The following CLEC16A variants were observed in gnomAD, a reference collection of about 807,000 sequenced individuals.
CLEC16A encodes protein CLEC16A.
A neutral mutation model predicts 109.5 loss-of-function variants in CLEC16A; 51 were observed. That is an observed-to-expected ratio of 0.47 (90% CI 0.37 to 0.59). The LOEUF is 0.59. CLEC16A is among the 20% of genes least tolerant of loss of function. The probability of loss-of-function intolerance (pLI) is 0.00; values close to 1 mark genes in which losing one functional copy is unlikely to be tolerated. For synonymous variants in CLEC16A, 673 were observed against 564.2 expected (o/e 1.19, Z -2.73); for missense variants, 1,339 against 1,394.0 (o/e 0.96, Z 0.63).
intron 19 of CLEC16A, chr16:11,070,856 C>T (rs1254148531): frequency 6.6e-6 from 1 of 152,302 alleles, no homozygotes; most frequent in Non-Finnish European, 1.5e-5. Flanking sequence ...CACTGGAGGG[C>T]ACCACGAGGC....
intron 19 of CLEC16A, among the ~76,000 whole-genome samples, chr16:11,087,024 C>A (rs961585862): frequency 2.0e-5 from 3 of 152,194 alleles, no homozygotes; most frequent in African/African-American, 7.2e-5. Context: ...AATGTACTCA[C>A]AATTTATCCC....
intron 22 of CLEC16A, among the ~76,000 whole-genome samples, chr16:11,166,031 A>G (rs940965539): frequency 6.6e-6 from 1 of 152,246 alleles, no homozygotes. Flanking sequence ...CTCTACCATG[A>G]GGGCATCTAG....
At chr16:11,164,080 CCCGA>C (rs1254922771) in intron 22 of CLEC16A, among the ~76,000 whole-genome samples, 1 of 152,084 alleles carries the variant, frequency 6.6e-6, no homozygotes, top group Non-Finnish European at 1.5e-5. Context: ...TGAGCGGGCC[CCCGA>C]CACACACACA....
At chr16:11,162,054 C>T (rs549615473) in intron 22 of CLEC16A, among the ~76,000 whole-genome samples, 29 of 152,328 alleles carry the variant, frequency 1.9e-4, no homozygotes, top group Non-Finnish European at 3.4e-4. Context: ...ACTCCAAGCC[C>T]AGCTTTCCTT....
Position 11,044,016 on chromosome 16 carries a change from CTCTTT to C in CLEC16A, c.1771-10_1771-6del. The C allele has an allele frequency of 6.3e-7, 1 of 1,596,172 alleles. No homozygotes were observed. Among genetic ancestry groups the C allele is most frequent in the Non-Finnish European group, 8.5e-7 (1 of 1,170,286 alleles). On this transcript the variant is annotated splice_polypyrimidine_tract_variant and splice_region_variant and intron_variant, in intron 15 of 23. Coordinates refer to ENST00000409790, the MANE Select transcript of CLEC16A (RefSeq NM_015226.3). ...GACCTGCCTCCTTCACACCTTCCTT[CTCTTT>C]TAACAGGGTGCGAGAGAAGAAAGTG... is the stretch of plus-strand genomic sequence containing the variant.
intron 10 of CLEC16A, among the ~76,000 whole-genome samples, chr16:11,000,337 G>A (rs1014138983): frequency 5.9e-5 from 9 of 152,194 alleles, no homozygotes; most frequent in Non-Finnish European, 1.0e-4. Context: ...AGTCCACACA[G>A]AGCTTAGGGA....
intron 1 of CLEC16A, among the ~76,000 whole-genome samples, chr16:10,950,336 T>A (rs2145727715): frequency 6.6e-6 from 1 of 152,328 alleles, no homozygotes; most frequent in East Asian, 1.9e-4. Context: ...CAACAAATAT[T>A]TGTCACAGGA....
intron 1 of CLEC16A, among the ~76,000 whole-genome samples, chr16:10,957,570 G>A (rs776935832): frequency 7.9e-5 from 12 of 152,312 alleles, no homozygotes; most frequent in African/African-American, 2.4e-4. Context: ...TCTTGTCTCC[G>A]TCTGGGTTGG....
intron 1 of CLEC16A, among the ~76,000 whole-genome samples, chr16:10,955,129 A>G (rs1259889575): frequency 6.6e-6 from 1 of 152,222 alleles, no homozygotes; most frequent in Non-Finnish European, 1.5e-5. Context: ...GGCAGGGCCA[A>G]AGGTCAAGCC....
At chr16:11,022,337 C>A (rs2046153749) in intron 12 of CLEC16A, among the ~76,000 whole-genome samples, 1 of 93,470 alleles carries the variant, frequency 1.1e-5, no homozygotes, top group Non-Finnish European at 2.0e-5. Context: ...GTCTGGCTAC[C>A]TTTTTTTTTT....
intron 10 of CLEC16A, 21 bp downstream of exon 10, chr16:10,983,012 C>G (rs927642733): frequency 2.3e-6 from 3 of 1,310,406 alleles, no homozygotes; most frequent in Middle Eastern, 1.9e-4. Flanking sequence ...AGCTTCGGGA[C>G]TGACCTTAAC....
At chr16:11,138,578 C>T (rs915322247) in intron 22 of CLEC16A, among the ~76,000 whole-genome samples, 6 of 152,288 alleles carry the variant, frequency 3.9e-5, no homozygotes, top group Non-Finnish European at 5.9e-5. Context: ...CACAGCTGTG[C>T]GTCAGGTGAT....
intron 3 of CLEC16A, among the ~76,000 whole-genome samples, chr16:10,965,277 A>G (rs1386333315): frequency 3.9e-5 from 6 of 152,212 alleles, no homozygotes; most frequent in African/African-American, 1.4e-4. Flanking sequence ...ACGTTTACAG[A>G]ACTTGGATTT....
At chr16:11,159,297 A>G (rs1485597770) in intron 22 of CLEC16A, among the ~76,000 whole-genome samples, 2 of 152,178 alleles carry the variant, frequency 1.3e-5, no homozygotes, top group Non-Finnish European at 2.9e-5. Flanking sequence ...ATAGAAGAGA[A>G]TGGTTTCTCA....
chr16:11,079,298 G>C (rs2049569021), intron 19 of CLEC16A, among the ~76,000 whole-genome samples: 1 of 152,202 alleles, frequency 6.6e-6, no homozygotes. Flanking sequence ...AATGCCTTAG[G>C]AGTAGAGACT....
chr16:10,956,273 A>G (rs1017930747), intron 1 of CLEC16A, among the ~76,000 whole-genome samples: 12 of 152,264 alleles, frequency 7.9e-5, no homozygotes. Flanking sequence ...AAAGCATAAC[A>G]AACAGTATTC....
chr16:11,074,481 T>G (rs1383302333), intron 19 of CLEC16A, among the ~76,000 whole-genome samples: 1 of 152,236 alleles, frequency 6.6e-6, no homozygotes, highest in African/African-American at 2.4e-5. Context: ...CAGTATTATT[T>G]GGTTCTTTTA....
At chr16:11,095,550 G>A (rs192258780) in intron 19 of CLEC16A, among the ~76,000 whole-genome samples, 70 of 152,304 alleles carry the variant, frequency 4.6e-4, no homozygotes, top group African/African-American at 1.3e-3. Context: ...GATGGCTCAC[G>A]CCTGTAATCC....
rs557479944 is a variant in CLEC16A, at chr16:11,008,760, G to A, written c.1303+5455G>A. On this transcript the variant is annotated intron_variant, in intron 11 of 23. Coordinates refer to ENST00000409790, the MANE Select transcript of CLEC16A (RefSeq NM_015226.3). ...AATCCCAGCACTTTGGGAGGCCGAG[G>A]TGGGCAGATCACAAGGTCAGGAGAT... Among the ~76,000 whole-genome samples the A allele has an allele frequency of 1.3e-4, 19 of 151,158 alleles. No homozygotes were observed. The East Asian group carries it at 3.1e-3, about 25-fold the overall frequency.
Sources: gnomAD v4.1 joint callset for allele counts (sites outside exome capture counted in the v4.1 genomes callset) on GRCh38, gnomAD v4.1.1 for gene constraint, MANE v1.5 for transcripts, NCBI Gene and HGNC (gene_info 2026-07-23, HGNC 2026-07-21) for gene names.